The following NANOG variants were observed in gnomAD, a reference collection of about 807,000 sequenced individuals.
NANOG encodes the protein Nanog homeobox.
NANOG carries 2 observed loss-of-function variants against 17.7 expected under a neutral mutation model. The observed-to-expected ratio is 0.11, with a 90% CI of 0.05 to 0.36. The LOEUF (loss-of-function observed/expected upper bound fraction) is 0.36, where lower values mean the gene tolerates loss of function less well. Ranked by LOEUF, NANOG falls within the 10% of genes least tolerant of loss-of-function variation. The pLI is 1.00. For synonymous variants in NANOG, 81 were observed against 124.7 expected (o/e 0.65, Z 2.33); for missense variants, 174 against 362.1 (o/e 0.48, Z 4.22).
Position 7,799,071 on chromosome 12 carries a change from C to T in NANOG, c.*3976C>T, listed in dbSNP as rs1361740484. The T allele has an allele frequency of 1.3e-5, 2 of 151,888 alleles. No homozygotes were observed. Among genetic ancestry groups the T allele is most frequent in the Non-Finnish European group, 2.9e-5 (2 of 67,996 alleles). The allele number at this position is 151,888 out of a possible 1,614,324, so 9.4% of individuals were successfully genotyped here. A position where few individuals can be genotyped will look rare whatever the true frequency, so the allele number is the denominator to read the frequency against. On this transcript the variant is annotated 3_prime_UTR_variant, in exon 4 of 4. Coordinates refer to ENST00000229307, the MANE Select transcript of NANOG (RefSeq NM_024865.4). ...AAGAAGCTGCTGGTGGTGAGTCTCT[C>T]CTTAAGCTATTCCTGGCTTCTGGGT...
chr12:7,789,786 T>C, intron 1 of NANOG, 21 bp downstream of exon 1: 8 of 1,609,990 alleles, frequency 5.0e-6, no homozygotes, highest in South Asian at 1.1e-5. Context: ...AATTTATCCT[T>C]GAAAGGCCAA....
intron 2 of NANOG, among the ~76,000 whole-genome samples, chr12:7,793,456 C>A (rs754015470): frequency 6.6e-6 from 1 of 152,308 alleles, no homozygotes; most frequent in South Asian, 2.1e-4. Flanking sequence ...TTGTGAAAAT[C>A]TTTCCAACGT....
In NANOG at chr12:7,794,437, T is replaced by C; in HGVS notation, c.415-20T>C. 4 of 1,600,696 alleles carry C rather than the reference T, an allele frequency of 2.5e-6. No individual in the cohort carries two copies. Among genetic ancestry groups the C allele is most frequent in the Non-Finnish European group, 3.4e-6 (4 of 1,170,462 alleles). ...TCTGTATTATGAATATTTTACAATT[T>C]CTATCATTTTTTCCTGCAGGTGAAG... On this transcript the variant is annotated intron_variant, in intron 2 of 3. Transcript: ENST00000229307.
chr12:7,798,946 CAA>C lies in NANOG; in HGVS notation c.*3854_*3855del, dbSNP rs1185434795. ...TAAAGAAAGAAGTCACTGGGACAGA[CAA>C]AAGCTTCCGGCACAGGAAGTTAGTT... is the stretch of plus-strand genomic sequence containing the variant. On this transcript the variant is annotated 3_prime_UTR_variant, in exon 4 of 4. Transcript: ENST00000229307. 1.3e-5 allele frequency: 2 copies of C among 148,830 alleles called. No individual in the cohort carries two copies. Among genetic ancestry groups the C allele is most frequent in the Admixed American group, 6.9e-5 (1 of 14,592 alleles). The allele number at this position is 148,830 out of a possible 1,614,324, so 9.2% of individuals were successfully genotyped here.
Position 7,794,445 on chromosome 12 carries a change from T to G in NANOG, c.415-12T>G, listed in dbSNP as rs1295646820. On this transcript the variant is annotated splice_polypyrimidine_tract_variant and intron_variant, in intron 2 of 3. Transcript: ENST00000229307. The stretch of plus-strand genomic sequence containing the variant: ...ATGAATATTTTACAATTTCTATCAT[T>G]TTTTCCTGCAGGTGAAGACCTGGTT... 1 of 1,606,690 alleles carries G rather than the reference T, an allele frequency of 6.2e-7. No homozygotes were observed. Among genetic ancestry groups the G allele is most frequent in the African/African-American group, 1.3e-5 (1 of 74,752 alleles).
At chr12:7,790,513 T>C (rs1051215764) in intron 1 of NANOG, among the ~76,000 whole-genome samples, 2 of 152,192 alleles carry the variant, frequency 1.3e-5, no homozygotes, top group African/African-American at 4.8e-5. Context: ...GGGTGGGGGA[T>C]ACTCGGGATA....
intron 1 of NANOG, among the ~76,000 whole-genome samples, chr12:7,792,500 A>T (rs1304942455): frequency 6.6e-6 from 1 of 152,120 alleles, no homozygotes; most frequent in Non-Finnish European, 1.5e-5. Flanking sequence ...CCCTGTCTCT[A>T]CTAAAAATAC....
rs1862953857 is a variant in NANOG at position 7,798,050 on chromosome 12, TTAAAG to T, written c.*2959_*2963del. ...TTTAGAGATCTATTTGGAATAATCT[TTAAAG>T]TAACAATAATAACTACAGTCAAAAG... On this transcript the variant is annotated 3_prime_UTR_variant, in exon 4 of 4. Coordinates refer to ENST00000229307, the MANE Select transcript of NANOG (RefSeq NM_024865.4). 6.6e-6 allele frequency: 1 copy of T among 152,118 alleles called. No homozygotes were observed. The highest frequency in any genetic ancestry group is 6.6e-5 in the Admixed American group (1 of 15,250). The allele number at this position is 152,118 out of a possible 1,614,324, so 9.4% of individuals were successfully genotyped here. A position where few individuals can be genotyped will look rare whatever the true frequency, so the allele number is the denominator to read the frequency against.
intron 1 of NANOG, among the ~76,000 whole-genome samples, chr12:7,790,305 A>G (rs1254690067): frequency 6.6e-6 from 1 of 152,102 alleles, no homozygotes; most frequent in Non-Finnish European, 1.5e-5. Context: ...GGGTTTGTGG[A>G]TGTTACTGGG....
chr12:7,793,151 A>C lies in NANOG; in HGVS notation c.353A>C (p.Lys118Thr), dbSNP rs370774570. Residue 118 changes from lysine to threonine, a missense_variant, in exon 2 of 4, where the codon AAA (lysine) becomes ACA (threonine). Coordinates refer to ENST00000229307, the MANE Select transcript of NANOG (RefSeq NM_024865.4). ...CTCAATGATAGATTTCAGAGACAGA[A>C]ATACCTCAGCCTCCAGCAGATGCAA... ...CVLNDRFQRQ[K>T]YLSLQQMQEL... is the part of the protein sequence containing the mutation. The C allele has an allele frequency of 2.5e-6, 4 of 1,611,308 alleles. No individual in the cohort carries two copies. The highest frequency in any genetic ancestry group is 3.4e-6 in the Non-Finnish European group (4 of 1,177,772).
Position 7,794,783 on chromosome 12 carries a change from C to T in NANOG, c.606C>T (p.Asn202=), listed in dbSNP as rs1369284174. The T allele has an allele frequency of 7.7e-6, 12 of 1,556,682 alleles. No homozygotes were observed. Among genetic ancestry groups the T allele is most frequent in the South Asian group, 1.2e-5 (1 of 81,234 alleles). Residue 202 remains asparagine, a synonymous_variant, in exon 4 of 4, where the codon AAC becomes AAT. Coordinates refer to ENST00000229307, the MANE Select transcript of NANOG (RefSeq NM_024865.4). ...CAATGTGGAGCAACCAGACCTGGAA[C>T]AATTCAACCTGGAGCAACCAGACCC... ...NLPMWSNQTW[N]NSTWSNQTQN... is the part of the protein sequence containing the mutation.
intron 2 of NANOG, 36 bp from the exon 3 acceptor site, chr12:7,794,421 T>C (rs1860931): frequency 0.56 from 878,680 of 1,560,048 alleles, 253,567 homozygotes; most frequent in Middle Eastern, 0.64. Context: ...CTCTGTATTA[T>C]GAATATTTTA....
At position 7,796,767 on chromosome 12, in the gene NANOG, AT is replaced by A. The variant is rs1251196043; in HGVS notation, c.*1676del. On this transcript the variant is annotated 3_prime_UTR_variant, in exon 4 of 4. Transcript: ENST00000229307. Reference sequence around the variant, plus strand: ...ATTCCAAGTGTTTTTTTTTTGTTTTATTTTGTTTTTTTTTAAGACTGGAGTC... The same window carrying A: ...ATTCCAAGTGTTTTTTTTTTGTTTTATTTGTTTTTTTTTAAGACTGGAGTC... 2.4e-4 allele frequency: 15 copies of A among 61,872 alleles called. No homozygotes were observed. Among genetic ancestry groups the A allele is most frequent in the Admixed American group, 2.2e-3 (12 of 5,484 alleles). The allele number at this position is 61,872 out of a possible 1,614,324, so 3.8% of individuals were successfully genotyped here.
Position 7,793,048 on chromosome 12 carries a change from G to A in NANOG, c.250G>A (p.Val84Ile), listed in dbSNP as rs766573037. ...GKQPTSAEKSVAKKEDKVPVK... is the reference protein window; with the variant it reads ...GKQPTSAEKSIAKKEDKVPVK... ...ACAACCCACTTCTGCAGAGAAGAGT[G>A]TCGCAAAAAAGGAAGACAAGGTCCC... The change falls in exon 2 of 4, where the codon GTC becomes ATC. Residue 84 changes from valine to isoleucine, a missense_variant. By Grantham distance (29) the Val-to-Ile change is conservative. This residue lies in a region of NANOG where 158 missense variants were observed against 244.2 expected (regional missense o/e 0.65). Transcript: ENST00000229307. The A allele has an allele frequency of 1.8e-5, 29 of 1,609,566 alleles. No individual in the cohort carries two copies. In the South Asian group the frequency reaches 3.1e-4, roughly 17 times the overall value.
chr12:7,791,817 G>A (rs1280449057), intron 1 of NANOG, among the ~76,000 whole-genome samples: 6 of 152,174 alleles, frequency 3.9e-5, no homozygotes, highest in African/African-American at 7.2e-5. Context: ...GTAAAGGGAA[G>A]GCCTGGATTG....
rs1862962276 is a variant in NANOG, at chr12:7,798,860, A to G, written c.*3765A>G. The G allele has an allele frequency of 7.3e-6, 1 of 136,754 alleles. No homozygotes were observed. The highest frequency in any genetic ancestry group is 1.5e-5 in the Non-Finnish European group (1 of 64,526). The allele number at this position is 136,754 out of a possible 1,614,324, so 8.5% of individuals were successfully genotyped here. A position where few individuals can be genotyped will look rare whatever the true frequency, so the allele number is the denominator to read the frequency against. The stretch of plus-strand genomic sequence containing the variant: ...AAGTGGGGGAGAGCCCTTGGTAAAT[A>G]TTGCATGCCTCCTGGGGCCCCCATG... On this transcript the variant is annotated 3_prime_UTR_variant, in exon 4 of 4. Transcript: ENST00000229307.
Position 7,798,061 on chromosome 12 carries a change from A to G in NANOG, c.*2966A>G, listed in dbSNP as rs776276279. On this transcript the variant is annotated 3_prime_UTR_variant, in exon 4 of 4. Transcript: ENST00000229307. ...ATTTGGAATAATCTTTAAAGTAACA[A>G]TAATAACTACAGTCAAAAGCAGTAA... 1 of 152,156 alleles carries G rather than the reference A, an allele frequency of 6.6e-6. No homozygotes were observed. Among genetic ancestry groups the G allele is most frequent in the East Asian group, 1.9e-4 (1 of 5,198 alleles). 9.4% of individuals were successfully genotyped at this position (152,156 alleles called of 1,614,324 possible).
chr12:7,790,328 T>A (rs1862822590), intron 1 of NANOG, among the ~76,000 whole-genome samples: 1 of 152,224 alleles, frequency 6.6e-6, no homozygotes, highest in African/African-American at 2.4e-5. Context: ...GCTCTGAGTT[T>A]GGGAGCACCT....
chr12:7,790,500 A>G (rs1862824820), intron 1 of NANOG, among the ~76,000 whole-genome samples: 1 of 152,158 alleles, frequency 6.6e-6, no homozygotes, highest in South Asian at 2.1e-4. Flanking sequence ...TGGTAGCTGC[A>G]AGGGGTGGGG....
Sources: allele counts gnomAD v4.1 joint callset (sites outside exome capture counted in the v4.1 genomes callset), GRCh38; gene constraint gnomAD v4.1.1; regional missense constraint gnomAD v4.1.1; transcripts MANE v1.5; gene names NCBI Gene and HGNC (gene_info 2026-07-23, HGNC 2026-07-21).